PDE4D: variants seen among roughly 807,000 people sequenced by gnomAD.
PDE4D encodes phosphodiesterase 4D.
In PDE4D, 24 loss-of-function variants were observed where a neutral mutation model predicts 87.4. That is an observed-to-expected ratio of 0.27 (90% CI 0.20 to 0.39). PDE4D has a LOEUF of 0.39. PDE4D is among the 10% of genes least tolerant of loss of function. PDE4D has a pLI of 1.00. For synonymous variants in PDE4D, 384 were observed against 383.2 expected, an observed-to-expected ratio of 1.00 and a Z score of -0.02; for missense variants, 714 against 1,041.0, an observed-to-expected ratio of 0.69 and a Z score of 4.32.
intron 1 of PDE4D, among the ~76,000 whole-genome samples, chr5:59,799,748 A>T (rs1304010005): frequency 1.3e-5 from 2 of 152,232 alleles, no homozygotes; most frequent in Non-Finnish European, 2.9e-5. Context: ...AAAATACTGT[A>T]AAATTTTGGC....
intron 2 of PDE4D, among the ~76,000 whole-genome samples, chr5:60,100,667 C>T (rs1264147554): frequency 6.6e-6 from 1 of 152,060 alleles, no homozygotes; most frequent in Non-Finnish European, 1.5e-5. Context: ...GTTCTTCAAC[C>T]TTGCATTGTT....
intron 5 of PDE4D, among the ~76,000 whole-genome samples, chr5:59,108,988 T>C (rs1263975087): frequency 6.6e-6 from 1 of 150,946 alleles, no homozygotes; most frequent in Non-Finnish European, 1.5e-5. Flanking sequence ...TGTGTGTGTG[T>C]GTGTGTGTGT....
At chr5:59,091,991 G>A (rs1311801476) in intron 5 of PDE4D, among the ~76,000 whole-genome samples, 2 of 152,064 alleles carry the variant, frequency 1.3e-5, no homozygotes, top group Non-Finnish European at 2.9e-5. Context: ...TAAAATGTTA[G>A]CAAGGTAAAA....
chr5:58,977,728 A>G (rs1744141985), intron 11 of PDE4D, among the ~76,000 whole-genome samples: 2 of 152,136 alleles, frequency 1.3e-5, no homozygotes, highest in South Asian at 4.1e-4. Flanking sequence ...ACTGTGAATT[A>G]CCTACCCTGC....
At chr5:60,459,388 GT>G (rs975756577) in intron 1 of PDE4D, among the ~76,000 whole-genome samples, 2 of 151,926 alleles carry the variant, frequency 1.3e-5, no homozygotes, top group Non-Finnish European at 2.9e-5. Context: ...TTGTTTTTTA[GT>G]TTTTTTCTTT....
rs201945008 is a variant in PDE4D, at chr5:59,203,623, A to ACAC, written c.648-10088_648-10087insGTG. On this transcript the variant is annotated intron_variant, in intron 2 of 14. Transcript: ENST00000340635. ...AACAGATGAATAAAGAAAATGTTATATACACACACACACACACACACTAGA... is the reference window on the plus strand; with the variant it reads ...AACAGATGAATAAAGAAAATGTTATACACTACACACACACACACACACACTAGA... Among the ~76,000 whole-genome samples the ACAC allele has an allele frequency of 1.2e-4, 14 of 113,034 alleles. 1 individual carries two copies. Among genetic ancestry groups the ACAC allele is most frequent in the Non-Finnish European group, 2.6e-4 (14 of 53,986 alleles). 74.2% of individuals were successfully genotyped at this position (113,034 alleles called of 152,430 possible).
At chr5:60,360,581 G>A (rs958529396) in intron 1 of PDE4D, among the ~76,000 whole-genome samples, 10 of 152,228 alleles carry the variant, frequency 6.6e-5, no homozygotes, top group African/African-American at 2.4e-4. Context: ...TGTGGCTGGA[G>A]ACCGAAGAGG....
At chr5:59,934,004 GAC>G (rs1756281986) in intron 3 of PDE4D, among the ~76,000 whole-genome samples, 1 of 151,692 alleles carries the variant, frequency 6.6e-6, no homozygotes, top group African/African-American at 2.4e-5. Context: ...TTTTTTTTGA[GAC>G]AGAGTCTCAA....
intron 5 of PDE4D, among the ~76,000 whole-genome samples, chr5:59,071,986 G>A (rs976361542): frequency 1.3e-5 from 2 of 152,194 alleles, no homozygotes; most frequent in Admixed American, 1.3e-4. Context: ...ACCGCGCCCG[G>A]CCAACATCTG....
At chr5:59,036,148 G>A (rs1381875408) in intron 6 of PDE4D, among the ~76,000 whole-genome samples, 1 of 152,172 alleles carries the variant, frequency 6.6e-6, no homozygotes, top group Admixed American at 6.5e-5. Flanking sequence ...TTTGTTAAAT[G>A]GGTTTGAGGA....
upstream of PDE4D, chr5:60,488,106 T>C (rs974071815): frequency 6.6e-6 from 1 of 152,640 alleles, no homozygotes; most frequent in East Asian, 1.9e-4. Flanking sequence ...TCTATGAAAC[T>C]GAGCTCCAGA....
intron 1 of PDE4D, among the ~76,000 whole-genome samples, chr5:60,259,148 A>G (rs1749390691): frequency 6.6e-6 from 1 of 152,102 alleles, no homozygotes; most frequent in African/African-American, 2.4e-5. Flanking sequence ...AGTTCTTCCT[A>G]TAATTATAAA....
At chr5:59,897,112 G>C (rs1751741330), upstream of PDE4D, among the ~76,000 whole-genome samples, 1 of 152,146 alleles carries the variant, frequency 6.6e-6, no homozygotes, top group South Asian at 2.1e-4. Context: ...TATATAAAAA[G>C]TAAAAATCAG....
intron 1 of PDE4D, among the ~76,000 whole-genome samples, chr5:59,310,129 G>C (rs1315288767): frequency 6.6e-6 from 1 of 152,148 alleles, no homozygotes; most frequent in Admixed American, 6.5e-5. Flanking sequence ...GGCCCTTTTG[G>C]ACAGGTGGCT....
At chr5:59,226,799 T>C (rs67123835) in intron 1 of PDE4D, among the ~76,000 whole-genome samples, 18,448 of 152,096 alleles carry the variant, frequency 0.12, 1,719 homozygotes, top group African/African-American at 0.26. Context: ...GAACTTCAAG[T>C]AGTAAACATA....
chr5:59,541,248 T>C (rs1480303400), intron 1 of PDE4D, among the ~76,000 whole-genome samples: 1 of 152,208 alleles, frequency 6.6e-6, no homozygotes, highest in Non-Finnish European at 1.5e-5. Context: ...TGACTGGCTG[T>C]CTCTGTAAGC....
intron 5 of PDE4D, among the ~76,000 whole-genome samples, chr5:59,054,691 T>C (rs761835189): frequency 2.6e-5 from 4 of 152,052 alleles, no homozygotes; most frequent in African/African-American, 4.8e-5. Context: ...ATACAGAGAA[T>C]TGAAACATAA....
chr5:60,400,430 G>A (rs896991699), intron 1 of PDE4D, among the ~76,000 whole-genome samples: 1 of 144,144 alleles, frequency 6.9e-6, no homozygotes, highest in Non-Finnish European at 1.5e-5. Context: ...GCTGAGGCAG[G>A]AGAATGGCGT....
At chr5:60,371,347 G>T (rs1761012751) in intron 1 of PDE4D, among the ~76,000 whole-genome samples, 1 of 152,166 alleles carries the variant, frequency 6.6e-6, no homozygotes, top group Non-Finnish European at 1.5e-5. Flanking sequence ...CCGCCATGTG[G>T]TGATTCTCTT....
Sources: allele counts gnomAD v4.1 joint callset (sites outside exome capture counted in the v4.1 genomes callset), GRCh38; gene constraint gnomAD v4.1.1; transcripts MANE v1.5; gene names NCBI Gene and HGNC (gene_info 2026-07-23, HGNC 2026-07-21).